The following TRIP4 variants were observed in gnomAD, a reference collection of about 807,000 sequenced individuals.
TRIP4 encodes activating signal cointegrator 1.
Under a neutral mutation model 81.8 loss-of-function variants are expected in TRIP4, and 54 were observed. That is an observed-to-expected ratio of 0.66 (90% CI 0.53 to 0.83). The LOEUF is 0.83. TRIP4 is among the 40% of genes least tolerant of loss of function. The pLI is 0.00. For synonymous variants in TRIP4, 270 were observed against 242.8 expected, an observed-to-expected ratio of 1.11 and a Z score of -1.04; for missense variants, 662 against 683.6, an observed-to-expected ratio of 0.97 and a Z score of 0.35.
chr15:64,415,913 A>T (rs1365416949), intron 8 of TRIP4, among the ~76,000 whole-genome samples: 4 of 152,222 alleles, frequency 2.6e-5, no homozygotes, highest in Non-Finnish European at 5.9e-5. Context: ...CATGGCTTCC[A>T]TGCCTACGTA....
chr15:64,390,924 G>A (rs555024086), intron 1 of TRIP4, among the ~76,000 whole-genome samples: 8 of 152,124 alleles, frequency 5.3e-5, no homozygotes, highest in African/African-American at 1.4e-4. Context: ...ATTCCGCCTG[G>A]GAAGGAGGTC....
intron 8 of TRIP4, among the ~76,000 whole-genome samples, chr15:64,417,657 G>A (rs1891917539): frequency 1.3e-5 from 2 of 151,968 alleles, no homozygotes; most frequent in Admixed American, 1.3e-4. Flanking sequence ...TATATGATGG[G>A]AGCCCTGTTT....
chr15:64,434,403 A>G (rs1249722726), intron 11 of TRIP4, among the ~76,000 whole-genome samples: 2 of 4,244 alleles, frequency 4.7e-4, no homozygotes, highest in African/African-American at 3.1e-4. Context: ...CCGTCTCAAG[A>G]AAAAAAAAAA....
At chr15:64,412,375 C>G (rs1891784756) in intron 7 of TRIP4, among the ~76,000 whole-genome samples, 1 of 152,116 alleles carries the variant, frequency 6.6e-6, no homozygotes, top group African/African-American at 2.4e-5. Flanking sequence ...AATTCCTCCT[C>G]CATTCTTTGC....
At chr15:64,419,637 C>T (rs1313579927) in intron 9 of TRIP4, among the ~76,000 whole-genome samples, 3 of 151,656 alleles carry the variant, frequency 2.0e-5, no homozygotes, top group Non-Finnish European at 2.9e-5. Flanking sequence ...GGATTACAGA[C>T]GTGAACCACC....
chr15:64,455,199 T>C lies in TRIP4; in HGVS notation c.*135T>C. The C allele has an allele frequency of 1.6e-6, 1 of 637,484 alleles. No individual in the cohort carries two copies. The highest frequency in any genetic ancestry group is 2.5e-6 in the Non-Finnish European group (1 of 393,350). 39.5% of individuals were successfully genotyped at this position (637,484 alleles called of 1,614,324 possible). A position where few individuals can be genotyped will look rare whatever the true frequency, so the allele number is the denominator to read the frequency against. On this transcript the variant is annotated 3_prime_UTR_variant, in exon 13 of 13. Transcript: ENST00000261884. ...TTGAATATCTCAGAACTTAAACTCT[T>C]ACCAAAATCTGTATATTTTTCTTAA...
At chr15:64,439,182 A>G (rs1215689965) in intron 11 of TRIP4, among the ~76,000 whole-genome samples, 1 of 152,222 alleles carries the variant, frequency 6.6e-6, no homozygotes, top group Non-Finnish European at 1.5e-5. Context: ...CTGGGGTGGT[A>G]GTTATCCTGT....
chr15:64,397,059 AT>A (rs1187334074), intron 3 of TRIP4, among the ~76,000 whole-genome samples: 1 of 152,120 alleles, frequency 6.6e-6, no homozygotes, highest in Non-Finnish European at 1.5e-5. Context: ...TGAAGTTCTT[AT>A]TAGGTTTTTT....
chr15:64,445,795 C>T (rs1596363806), intron 12 of TRIP4, among the ~76,000 whole-genome samples: 1 of 151,764 alleles, frequency 6.6e-6, no homozygotes, highest in African/African-American at 2.4e-5. Context: ...CAAAGTATAC[C>T]TTGATCCACA....
rs551495686 is a variant in TRIP4 at position 64,407,768 on chromosome 15, C to T, written c.827+1309C>T. On this transcript the variant is annotated intron_variant, in intron 6 of 12. Coordinates refer to ENST00000261884, the MANE Select transcript of TRIP4 (RefSeq NM_016213.5). ...ATTGTTGCTGTTTTGCTGGTGTATT[C>T]ATGGATACCAGTTTCATTATCTAGG... Among the ~76,000 whole-genome samples, 5 of 152,064 alleles carry T rather than the reference C, an allele frequency of 3.3e-5. No homozygotes were observed. In the South Asian group the frequency reaches 1.0e-3, roughly 32 times the overall value.
intron 5 of TRIP4, among the ~76,000 whole-genome samples, chr15:64,402,684 C>T (rs1350504220): frequency 1.3e-5 from 2 of 151,836 alleles, no homozygotes; most frequent in Non-Finnish European, 2.9e-5. Flanking sequence ...CCACCTTGTC[C>T]AGCTAATTTT....
Position 64,425,440 on chromosome 15 carries a change from A to G in TRIP4, c.1484-100A>G, listed in dbSNP as rs1892118981. 8.5e-6 allele frequency: 9 copies of G among 1,060,868 alleles called. 1 individual carries two copies. In the South Asian group the frequency reaches 1.3e-4, roughly 15 times the overall value. 65.7% of individuals were successfully genotyped at this position (1,060,868 alleles called of 1,614,324 possible). A position where few individuals can be genotyped will look rare whatever the true frequency, so the allele number is the denominator to read the frequency against. ...CCTTATGTCTACAAATAGATAATGG[A>G]AAAAGTTATTAATGTTTGTTCAGAA... is the stretch of plus-strand genomic sequence containing the variant. On this transcript the variant is annotated intron_variant, in intron 10 of 12. Coordinates refer to ENST00000261884, the MANE Select transcript of TRIP4 (RefSeq NM_016213.5).
intron 11 of TRIP4, among the ~76,000 whole-genome samples, chr15:64,439,393 T>C (rs1333271104): frequency 1.3e-5 from 2 of 152,120 alleles, no homozygotes; most frequent in Admixed American, 1.3e-4. Context: ...GATTTCATGT[T>C]CTATCTAGTT....
Position 64,418,643 on chromosome 15 carries a change from C to T in TRIP4, c.1273C>T (p.Gln425Ter). 6.2e-7 allele frequency: 1 copy of T among 1,613,998 alleles called. No individual in the cohort carries two copies. The highest frequency in any genetic ancestry group is 8.5e-7 in the Non-Finnish European group (1 of 1,180,034). The change falls in exon 9 of 13, where the codon CAA becomes TAA. Residue 425 changes from glutamine (Q) to a stop codon, truncating the protein, a stop_gained. Coordinates refer to ENST00000261884, the MANE Select transcript of TRIP4 (RefSeq NM_016213.5). LOFTEE classifies it high-confidence loss of function. ...TCAGCACCAGTTGCGAATCCAGGAT[C>T]AAGAATTTCAGGAAGGCTTTGATGG... ...SFQHQLRIQD[Q>*]EFQEGFDGGW... is the part of the protein sequence containing the mutation.
chr15:64,408,566 A>AT (rs1339649488), intron 6 of TRIP4, among the ~76,000 whole-genome samples: 1 of 151,868 alleles, frequency 6.6e-6, no homozygotes, highest in African/African-American at 2.4e-5. Flanking sequence ...GGCTGACAAA[A>AT]TTTTTTTATA....
At chr15:64,447,063 C>T (rs1892650922) in intron 12 of TRIP4, among the ~76,000 whole-genome samples, 1 of 152,128 alleles carries the variant, frequency 6.6e-6, no homozygotes, top group Non-Finnish European at 1.5e-5. Context: ...GAGATTGCAC[C>T]ACTGCACTCC....
intron 11 of TRIP4, among the ~76,000 whole-genome samples, chr15:64,435,292 C>T (rs569336930): frequency 4.1e-5 from 6 of 146,564 alleles, no homozygotes; most frequent in Non-Finnish European, 8.9e-5. Context: ...GAGGCCATGG[C>T]GGGCAGATCA....
At chr15:64,432,239 C>T (rs1712522781) in intron 11 of TRIP4, among the ~76,000 whole-genome samples, 2 of 152,006 alleles carry the variant, frequency 1.3e-5, no homozygotes, top group African/African-American at 4.8e-5. Context: ...AATATTACCA[C>T]TTTTCCATGT....
At chr15:64,417,047 A>G (rs1191126848) in intron 8 of TRIP4, among the ~76,000 whole-genome samples, 1 of 152,152 alleles carries the variant, frequency 6.6e-6, no homozygotes, top group Non-Finnish European at 1.5e-5. Context: ...TTGTTCTGTC[A>G]TCCAGGCTAG....
Sources: allele counts gnomAD v4.1 joint callset (sites outside exome capture counted in the v4.1 genomes callset), GRCh38; gene constraint gnomAD v4.1.1; transcripts MANE v1.5; gene names NCBI Gene and HGNC (gene_info 2026-07-23, HGNC 2026-07-21).